INPP4A: variants seen among roughly 807,000 people sequenced by gnomAD.
The protein encoded by INPP4A is inositol polyphosphate-4-phosphatase type I A.
A neutral mutation model predicts 119.8 loss-of-function variants in INPP4A; 33 were observed. The ratio of observed to expected loss-of-function variants is 0.28; its 90% CI spans 0.21 to 0.37. The LOEUF (loss-of-function observed/expected upper bound fraction) is 0.37, where lower values mean the gene tolerates loss of function less well. INPP4A is among the 10% of genes least tolerant of loss of function. The pLI, the probability that INPP4A is intolerant of heterozygous loss-of-function variation, is 1.00. For missense variants in INPP4A, 956 were observed against 1,289.9 expected, an observed-to-expected ratio of 0.74 and a Z score of 3.97; for synonymous variants, 496 against 500.7, an observed-to-expected ratio of 0.99 and a Z score of 0.12.
chr2:98,503,406 C>T (rs1302690066), intron 1 of INPP4A, among the ~76,000 whole-genome samples: 1 of 152,244 alleles, frequency 6.6e-6, no homozygotes. Context: ...ATACACAAGA[C>T]TTTCCTGTTT....
intron 10 of INPP4A, among the ~76,000 whole-genome samples, chr2:98,540,395 A>C (rs1288642804): frequency 6.6e-6 from 1 of 152,224 alleles, no homozygotes; most frequent in African/African-American, 2.4e-5. Flanking sequence ...TGGTCCCATA[A>C]GGGTCTTAAC....
At chr2:98,579,047 CT>C (rs1388095033) in intron 24 of INPP4A, among the ~76,000 whole-genome samples, 1 of 150,648 alleles carries the variant, frequency 6.6e-6, no homozygotes, top group Non-Finnish European at 1.5e-5. Flanking sequence ...GACCTTATCA[CT>C]TTTTTTTTCT....
chr2:98,507,120 C>T (rs1229762539), intron 1 of INPP4A, among the ~76,000 whole-genome samples: 2 of 152,158 alleles, frequency 1.3e-5, no homozygotes, highest in African/African-American at 4.8e-5. Flanking sequence ...TGGGTGGACC[C>T]TGAAGGGGCC....
intron 4 of INPP4A, among the ~76,000 whole-genome samples, chr2:98,522,352 A>G (rs1246879619): frequency 6.6e-6 from 1 of 151,910 alleles, no homozygotes; most frequent in African/African-American, 2.4e-5. Context: ...TAGTATATCT[A>G]TAAAACAAAA....
rs1698149100 is a variant in INPP4A, at chr2:98,574,824, GA to G, written c.2631+1902del. Among the ~76,000 whole-genome samples the G allele has an allele frequency of 3.3e-5, 5 of 152,202 alleles. No homozygotes were observed. In the South Asian group the frequency reaches 1.0e-3, roughly 32 times the overall value. On this transcript the variant is annotated intron_variant, in intron 23 of 24. Coordinates refer to ENST00000409851, the MANE Select transcript of INPP4A (RefSeq NM_001134225.2). The stretch of plus-strand genomic sequence containing the variant: ...TCTACCTGTCTATTGCCATATAATA[GA>G]AAAATCATTAAGTATAGGGACAACT...
At chr2:98,488,911 G>T (rs1317929484) in intron 1 of INPP4A, among the ~76,000 whole-genome samples, 1 of 148,802 alleles carries the variant, frequency 6.7e-6, no homozygotes, top group African/African-American at 2.5e-5. Flanking sequence ...AAGGACTTTG[G>T]ATTCTTGCTT....
intron 24 of INPP4A, among the ~76,000 whole-genome samples, chr2:98,580,953 G>A (rs1162795985): frequency 6.6e-6 from 1 of 152,228 alleles, no homozygotes; most frequent in Non-Finnish European, 1.5e-5. Context: ...ACCCTAACTT[G>A]CAAAGATGGA....
At chr2:98,563,044 G>A (rs2106325676) in intron 17 of INPP4A, among the ~76,000 whole-genome samples, 1 of 152,346 alleles carries the variant, frequency 6.6e-6, no homozygotes, top group South Asian at 2.1e-4. Context: ...GGAGATCACA[G>A]AGAACCTTTC....
At chr2:98,579,303 G>A (rs561806600) in intron 24 of INPP4A, among the ~76,000 whole-genome samples, 4 of 152,232 alleles carry the variant, frequency 2.6e-5, no homozygotes, top group African/African-American at 9.6e-5. Context: ...CGCCCACCTT[G>A]GCCTCCCATA....
chr2:98,562,943 G>A (rs1388288261), intron 17 of INPP4A, among the ~76,000 whole-genome samples: 3 of 152,194 alleles, frequency 2.0e-5, no homozygotes, highest in Non-Finnish European at 4.4e-5. Context: ...TCCTCCAGGT[G>A]TGCAGGGGTA....
At chr2:98,515,504 C>G (rs1042718001) in intron 1 of INPP4A, among the ~76,000 whole-genome samples, 1 of 152,136 alleles carries the variant, frequency 6.6e-6, no homozygotes, top group Non-Finnish European at 1.5e-5. Flanking sequence ...TGCACTTGGG[C>G]TTTTTCTTTG....
intron 11 of INPP4A, among the ~76,000 whole-genome samples, chr2:98,544,845 T>C (rs1014049210): frequency 2.0e-5 from 3 of 152,086 alleles, no homozygotes; most frequent in African/African-American, 7.2e-5. Flanking sequence ...AACAAGGAGG[T>C]GTTGCTTAGG....
intron 1 of INPP4A, among the ~76,000 whole-genome samples, chr2:98,500,844 A>G (rs924963447): frequency 6.6e-6 from 1 of 152,222 alleles, no homozygotes; most frequent in African/African-American, 2.4e-5. Context: ...AAGTGCACAG[A>G]TGGGCCTAGA....
At chr2:98,471,295 A>G (rs139936265) in intron 1 of INPP4A, among the ~76,000 whole-genome samples, 2,350 of 152,334 alleles carry the variant, frequency 0.015, 66 homozygotes, top group African/African-American at 0.054. Context: ...TCCACACAGG[A>G]GAAAAGGATG....
intron 4 of INPP4A, among the ~76,000 whole-genome samples, chr2:98,525,177 T>C (rs72821943): frequency 0.28 from 42,084 of 152,130 alleles, 5,892 homozygotes; most frequent in Middle Eastern, 0.35. Context: ...AGTTAAGGCC[T>C]GTTCCCAGCT....
chr2:98,458,850 G>A (rs1696621189), intron 1 of INPP4A, among the ~76,000 whole-genome samples: 1 of 152,156 alleles, frequency 6.6e-6, no homozygotes, highest in South Asian at 2.1e-4. Flanking sequence ...AGGCAGCATC[G>A]GCGGATCATG....
intron 1 of INPP4A, among the ~76,000 whole-genome samples, chr2:98,507,001 C>G: frequency 6.6e-6 from 1 of 152,322 alleles, no homozygotes; most frequent in East Asian, 1.9e-4. Context: ...CTTTGATCCT[C>G]GTTCACAGTC....
chr2:98,541,672 C>T (rs1691496245), intron 10 of INPP4A, among the ~76,000 whole-genome samples: 1 of 152,204 alleles, frequency 6.6e-6, no homozygotes, highest in Non-Finnish European at 1.5e-5. Flanking sequence ...GCCTGAAACT[C>T]CTGGGCTCAA....
At chr2:98,515,168 G>C (rs781774489) in intron 1 of INPP4A, among the ~76,000 whole-genome samples, 6 of 152,212 alleles carry the variant, frequency 3.9e-5, no homozygotes, top group Non-Finnish European at 7.3e-5. Context: ...ATTATTAATA[G>C]TAACTTTCAG....
Sources: gnomAD v4.1 joint callset for allele counts (sites outside exome capture counted in the v4.1 genomes callset) on GRCh38, gnomAD v4.1.1 for gene constraint, MANE v1.5 for transcripts, NCBI Gene and HGNC (gene_info 2026-07-23, HGNC 2026-07-21) for gene names.